KIZ: variants seen among roughly 807,000 people sequenced by gnomAD.
The protein encoded by KIZ is centrosomal protein kizuna.
In KIZ, 68 loss-of-function variants were observed where a neutral mutation model predicts 79.6. That is an observed-to-expected ratio of 0.85 (90% CI 0.70 to 1.05). KIZ has a LOEUF of 1.05. KIZ is among the 50% of genes least tolerant of loss of function. The pLI, the probability that KIZ is intolerant of heterozygous loss-of-function variation, is 0.00. For missense variants in KIZ, 797 were observed against 800.4 expected (o/e 1.00, Z 0.05); for synonymous variants, 280 against 281.8 (o/e 0.99, Z 0.06).
rs559067774 is a variant in KIZ at position 21,217,096 on chromosome 20, A to T, written c.1678+1448A>T. 7.1e-4 allele frequency among the ~76,000 whole-genome samples: 108 copies of T among 152,092 alleles called. 1 individual carries two copies. The highest frequency in any genetic ancestry group is 2.3e-3 in the African/African-American group (94 of 41,508). On this transcript the variant is annotated intron_variant, in intron 9 of 12. Coordinates refer to ENST00000619189, the MANE Select transcript of KIZ (RefSeq NM_018474.6). ...ATTGATCCATCAATAGTTGGCAGTT[A>T]AAAAAAATGCCTTGTGCCAGAATAT... is the stretch of plus-strand genomic sequence containing the variant.
At chr20:21,210,659 T>C (rs2036029701) in intron 7 of KIZ, among the ~76,000 whole-genome samples, 1 of 152,210 alleles carries the variant, frequency 6.6e-6, no homozygotes, top group African/African-American at 2.4e-5. Flanking sequence ...TTCAGGCTTT[T>C]GCTATGCATG....
At chr20:21,155,128 T>C (rs757511045) in intron 4 of KIZ, among the ~76,000 whole-genome samples, 4 of 152,184 alleles carry the variant, frequency 2.6e-5, no homozygotes, top group Non-Finnish European at 5.9e-5. Flanking sequence ...GTTAAACATA[T>C]AGTTACCGTA....
rs185896476 is a variant in KIZ, at chr20:21,162,343, G to T, written c.878G>T (p.Cys293Phe). Residue 293 changes from cysteine (C) to phenylalanine (F), a missense_variant, in exon 5 of 13, where the codon TGT becomes TTT. Coordinates refer to ENST00000619189, the MANE Select transcript of KIZ (RefSeq NM_018474.6). ...SPENRTTDLK[C>F]DSSSGSEGEI... ...GAGAACAGAACCACTGATTTAAAGT[G>T]TGACAGTTCCAGCGGATCAGAGGGA... is the stretch of plus-strand genomic sequence containing the variant. 1 of 1,613,986 alleles carries T rather than the reference G, an allele frequency of 6.2e-7. No homozygotes were observed. The highest frequency in any genetic ancestry group is 8.5e-7 in the Non-Finnish European group (1 of 1,179,866).
chr20:21,223,060 T>C (rs1472263637), intron 9 of KIZ, among the ~76,000 whole-genome samples: 1 of 152,228 alleles, frequency 6.6e-6, no homozygotes, highest in Non-Finnish European at 1.5e-5. Context: ...AAGATTGCCA[T>C]TTCTAATTTC....
chr20:21,228,827 A>G (rs954017972), intron 9 of KIZ, among the ~76,000 whole-genome samples, 184 bp from the exon 10 acceptor site: 6 of 152,184 alleles, frequency 3.9e-5, no homozygotes, highest in Non-Finnish European at 8.8e-5. Context: ...CTTGTCTTTG[A>G]GTCTTGAAAC....
At chr20:21,154,559 G>C (rs1242212512) in intron 4 of KIZ, among the ~76,000 whole-genome samples, 1 of 152,226 alleles carries the variant, frequency 6.6e-6, no homozygotes, top group Non-Finnish European at 1.5e-5. Flanking sequence ...TTGGATTATA[G>C]ATTTATCTCT....
intron 3 of KIZ, among the ~76,000 whole-genome samples, chr20:21,145,339 C>T (rs2032792997): frequency 1.3e-5 from 2 of 151,762 alleles, no homozygotes; most frequent in Non-Finnish European, 2.9e-5. Context: ...AAGTAAAAAT[C>T]CATCAAATCT....
At chr20:21,132,016 T>G in intron 1 of KIZ, 81 bp from the exon 2 acceptor site, 1 of 683,636 alleles carries the variant, frequency 1.5e-6, no homozygotes, top group Non-Finnish European at 2.6e-6. Context: ...AACAAAGCCA[T>G]TATTTCAAAG....
At chr20:21,141,009 A>G (rs950149213) in intron 3 of KIZ, among the ~76,000 whole-genome samples, 5 of 151,424 alleles carry the variant, frequency 3.3e-5, no homozygotes, top group African/African-American at 4.8e-5. Flanking sequence ...CTGGCTCTCC[A>G]AAAAAAATTA....
chr20:21,215,983 G>A (rs545705775), intron 9 of KIZ, among the ~76,000 whole-genome samples: 7 of 152,266 alleles, frequency 4.6e-5, no homozygotes, highest in Non-Finnish European at 8.8e-5. Flanking sequence ...AACTATAGAT[G>A]TTTCTGATTT....
At chr20:21,198,968 C>T (rs2035475749) in intron 6 of KIZ, among the ~76,000 whole-genome samples, 1 of 152,186 alleles carries the variant, frequency 6.6e-6, no homozygotes, top group African/African-American at 2.4e-5. Context: ...TGTTAGAAGG[C>T]TCTTTAATCT....
intron 6 of KIZ, among the ~76,000 whole-genome samples, chr20:21,192,394 C>T (rs1483343641): frequency 6.7e-6 from 1 of 150,310 alleles, no homozygotes; most frequent in African/African-American, 2.5e-5. Context: ...TAGCGATCCT[C>T]CTGCCTCACC....
At chr20:21,153,252 A>G (rs2033209709) in intron 4 of KIZ, among the ~76,000 whole-genome samples, 1 of 152,166 alleles carries the variant, frequency 6.6e-6, no homozygotes, top group Non-Finnish European at 1.5e-5. Context: ...GTTCTCCACT[A>G]GGGTAGCCTT....
In KIZ at chr20:21,154,966, T is replaced by A. The variant is rs187133391; in HGVS notation, c.406-6905T>A. ...GAGCCAGTATTTTACGTTGCAAGTGTGGAGCTAGTTCAAATGCAGCATTGT... is the reference window on the plus strand; with the variant it reads ...GAGCCAGTATTTTACGTTGCAAGTGAGGAGCTAGTTCAAATGCAGCATTGT... On this transcript the variant is annotated intron_variant, in intron 4 of 12. Coordinates refer to ENST00000619189, the MANE Select transcript of KIZ (RefSeq NM_018474.6). Among the ~76,000 whole-genome samples, 368 of 152,338 alleles carry A rather than the reference T, an allele frequency of 2.4e-3. 3 individuals are homozygous for A. Among genetic ancestry groups the A allele is most frequent in the Non-Finnish European group, 2.2e-3 (148 of 68,024 alleles).
chr20:21,223,537 G>T (rs2036565120), intron 9 of KIZ, among the ~76,000 whole-genome samples: 1 of 151,980 alleles, frequency 6.6e-6, no homozygotes, highest in Admixed American at 6.6e-5. Flanking sequence ...TGTGAAAAGT[G>T]ATTCTGGTTA....
chr20:21,232,930 T>C, intron 11 of KIZ, 100 bp downstream of exon 11: 1 of 676,066 alleles, frequency 1.5e-6, no homozygotes, highest in South Asian at 1.6e-5. Context: ...TTGTATGACT[T>C]GGAGGGTTAT....
At position 21,162,490 on chromosome 20, in the gene KIZ, C is replaced by T. The variant is rs780445519; in HGVS notation, c.1025C>T (p.Pro342Leu). Residue 342 changes from proline to leucine, a missense_variant, in exon 5 of 13, where the codon CCT becomes CTT. Transcript: ENST00000619189. The stretch of plus-strand genomic sequence containing the variant: ...AAGTGGTCTCAAGAGAAGCATTCTC[C>T]TTGGGAAGGTGTTTCAGGTGGGATG... ...ENKWSQEKHS[P>L]WEGVSDHLAH... 2.0e-5 allele frequency: 33 copies of T among 1,611,614 alleles called. No individual in the cohort carries two copies. In the East Asian group the frequency reaches 2.7e-4, roughly 13 times the overall value.
intron 6 of KIZ, among the ~76,000 whole-genome samples, chr20:21,174,113 C>T (rs541601338): frequency 2.0e-5 from 3 of 152,296 alleles, no homozygotes; most frequent in African/African-American, 7.2e-5. Flanking sequence ...AAATAACCTG[C>T]TCAGGTCACA....
intron 6 of KIZ, among the ~76,000 whole-genome samples, chr20:21,169,873 G>T (rs2034126846): frequency 6.6e-6 from 1 of 152,068 alleles, no homozygotes; most frequent in African/African-American, 2.4e-5. Context: ...TATATTTAAG[G>T]TTATTCCATG....
Sources: gnomAD v4.1 joint callset for allele counts (sites outside exome capture counted in the v4.1 genomes callset) on GRCh38, gnomAD v4.1.1 for gene constraint, MANE v1.5 for transcripts, NCBI Gene and HGNC (gene_info 2026-07-23, HGNC 2026-07-21) for gene names.